Variants in PITPNA observed in about 807,000 individuals in gnomAD.
PITPNA encodes phosphatidylinositol transfer protein alpha, also known as phosphatidylinositol transfer protein alpha isoform.
PITPNA carries 13 observed loss-of-function variants against 50.3 expected under a neutral mutation model. The observed-to-expected ratio is 0.26, with a 90% CI of 0.17 to 0.41. The LOEUF is 0.41. Ranked by LOEUF, PITPNA falls within the 10% of genes least tolerant of loss-of-function variation. The pLI is 1.00. For synonymous variants in PITPNA, 120 were observed against 119.6 expected (o/e 1.00, Z -0.02); for missense variants, 207 against 333.4 (o/e 0.62, Z 2.95).
chr17:1,554,092 G>A (rs978696145), intron 2 of PITPNA, among the ~76,000 whole-genome samples: 2 of 152,194 alleles, frequency 1.3e-5, no homozygotes, highest in African/African-American at 4.8e-5. Context: ...CAATGACCTA[G>A]GCAGTGCCCA....
At position 1,552,883 on chromosome 17, in the gene PITPNA, C is replaced by T. The variant is rs1394750010; in HGVS notation, c.197+121G>A. The T allele has an allele frequency of 4.2e-6, 4 of 959,466 alleles. No individual in the cohort carries two copies. In the African/African-American group the frequency reaches 4.9e-5, roughly 12 times the overall value. The allele number at this position is 959,466 out of a possible 1,614,324, so 59.4% of individuals were successfully genotyped here. A position where few individuals can be genotyped will look rare whatever the true frequency, so the allele number is the denominator to read the frequency against. On this transcript the variant is annotated intron_variant, in intron 3 of 11. Coordinates refer to ENST00000313486, the MANE Select transcript of PITPNA (RefSeq NM_006224.4). The stretch of plus-strand genomic sequence containing the variant: ...TAACATTTATACAGTCAGTATATAA[C>T]TATTAATTGTTAGGATATAACAATT...
Position 1,519,490 on chromosome 17 carries a change from G to A in PITPNA, c.*1071C>T, listed in dbSNP as rs1391154048. 1.3e-5 allele frequency: 2 copies of A among 152,678 alleles called. No homozygotes were observed. Among genetic ancestry groups the A allele is most frequent in the East Asian group, 1.9e-4 (1 of 5,196 alleles). 9.5% of individuals were successfully genotyped at this position (152,678 alleles called of 1,614,324 possible). A position where few individuals can be genotyped will look rare whatever the true frequency, so the allele number is the denominator to read the frequency against. Reference sequence around the variant, plus strand: ...TCAACATGGGGGTAGGACGAGCTAAGTTCTTGATCCCCAAATTCCTTTCCG... The same window carrying A: ...TCAACATGGGGGTAGGACGAGCTAAATTCTTGATCCCCAAATTCCTTTCCG... On this transcript the variant is annotated 3_prime_UTR_variant, in exon 12 of 12. Transcript: ENST00000313486.
intron 2 of PITPNA, among the ~76,000 whole-genome samples, chr17:1,555,971 C>A (rs943676911): frequency 6.6e-6 from 1 of 152,228 alleles, no homozygotes; most frequent in Non-Finnish European, 1.5e-5. Flanking sequence ...GCATGACCTT[C>A]TCTTTCCCTT....
chr17:1,553,721 T>A (rs1243041919), intron 2 of PITPNA, among the ~76,000 whole-genome samples: 1 of 152,212 alleles, frequency 6.6e-6, no homozygotes, highest in African/African-American at 2.4e-5. Context: ...ATCCTAAGAC[T>A]TGATTTCTTG....
At chr17:1,521,852 G>C (rs75951666) in intron 10 of PITPNA, among the ~76,000 whole-genome samples, 1 of 149,550 alleles carries the variant, frequency 6.7e-6, no homozygotes, top group Non-Finnish European at 1.5e-5. Flanking sequence ...TAGTTCTCTC[G>C]TGTCACGGTG....
chr17:1,551,820 C>A (rs1452818427), intron 3 of PITPNA, among the ~76,000 whole-genome samples: 1 of 152,232 alleles, frequency 6.6e-6, no homozygotes, highest in Non-Finnish European at 1.5e-5. Flanking sequence ...CCCCGCTGGA[C>A]AGCACTGCTC....
chr17:1,553,188 C>G, intron 2 of PITPNA, 39 bp from the exon 3 acceptor site: 2 of 1,609,442 alleles, frequency 1.2e-6, no homozygotes, highest in Non-Finnish European at 1.7e-6. Context: ...AACACGGACC[C>G]TTCTCAACGG....
In PITPNA at chr17:1,562,503, C is replaced by T; in HGVS notation, c.20+38G>A. ...TCGCCCCGGCGGCCGTCCCCACCCT[C>T]CCTCCTCCCCGCTTCCGCACGGCCG... On this transcript the variant is annotated intron_variant, in intron 1 of 11. Coordinates refer to ENST00000313486, the MANE Select transcript of PITPNA (RefSeq NM_006224.4). The surrounding 1 kb of genome is among the most constrained non-coding windows in gnomAD (Gnocchi z 6.4). 7.1e-7 allele frequency: 1 copy of T among 1,407,308 alleles called. No homozygotes were observed. The highest frequency in any genetic ancestry group is 9.4e-7 in the Non-Finnish European group (1 of 1,067,706). The allele number at this position is 1,407,308 out of a possible 1,614,324, so 87.2% of individuals were successfully genotyped here. A position where few individuals can be genotyped will look rare whatever the true frequency, so the allele number is the denominator to read the frequency against.
At position 1,535,264 on chromosome 17, in the gene PITPNA, G is replaced by C; in HGVS notation, c.563C>G (p.Pro188Arg). The C allele has an allele frequency of 6.2e-7, 1 of 1,613,510 alleles. No homozygotes were observed. Among genetic ancestry groups the C allele is most frequent in the Non-Finnish European group, 8.5e-7 (1 of 1,179,392 alleles). ...KQELVNQKDC[P>R]YMCAYKLVTV... ...CACCAGTTTGTATGCACACATATAT[G>C]GGCAGTCCTTCTGGTTTACAAGCTC... is the stretch of plus-strand genomic sequence containing the variant. Residue 188 changes from proline (P) to arginine (R), a missense_variant, in exon 9 of 12, where the codon CCA (proline) becomes CGA (arginine). Transcript: ENST00000313486.
At chr17:1,525,798 G>A (rs1314427561) in intron 10 of PITPNA, among the ~76,000 whole-genome samples, 3 of 152,218 alleles carry the variant, frequency 2.0e-5, no homozygotes, top group African/African-American at 4.8e-5. Context: ...GATGACAGGC[G>A]TGAGCCATCA....
At chr17:1,553,251 CCT>C in intron 2 of PITPNA, 102 bp from the exon 3 acceptor site, 1 of 1,303,164 alleles carries the variant, frequency 7.7e-7, no homozygotes, top group Non-Finnish European at 1.1e-6. Context: ...CCTGGGGTCT[CCT>C]CATGCAGGAG....
chr17:1,522,583 G>C (rs2075521837), intron 10 of PITPNA, among the ~76,000 whole-genome samples: 1 of 150,930 alleles, frequency 6.6e-6, no homozygotes, highest in African/African-American at 2.5e-5. Context: ...ATTTTGGCCA[G>C]GCTGATCTTG....
chr17:1,523,438 C>T (rs1482413103), intron 10 of PITPNA, among the ~76,000 whole-genome samples: 3 of 151,634 alleles, frequency 2.0e-5, no homozygotes, highest in Non-Finnish European at 4.4e-5. Flanking sequence ...GACTCCCTGG[C>T]TCAAGTGATC....
chr17:1,544,437 G>A (rs1176636072), intron 4 of PITPNA, among the ~76,000 whole-genome samples: 1 of 152,142 alleles, frequency 6.6e-6, no homozygotes, highest in Non-Finnish European at 1.5e-5. Flanking sequence ...TCATGAGGGT[G>A]ACAGCCCTTG....
chr17:1,539,626 G>A (rs540429727), intron 6 of PITPNA, among the ~76,000 whole-genome samples: 2 of 151,732 alleles, frequency 1.3e-5, no homozygotes, highest in Admixed American at 6.5e-5. Context: ...CTGAGGAGCT[G>A]GGCCCGAGTG....
chr17:1,523,397 C>T, intron 10 of PITPNA, among the ~76,000 whole-genome samples: 1 of 152,080 alleles, frequency 6.6e-6, no homozygotes, highest in East Asian at 1.9e-4. Context: ...GGATGGAGTG[C>T]AGTGGCGCAA....
At position 1,535,169 on chromosome 17, in the gene PITPNA, C is replaced by A. The variant is rs1196620593; in HGVS notation, c.645+13G>T. On this transcript the variant is annotated intron_variant, in intron 9 of 11. Transcript: ENST00000313486. Reference sequence around the variant, plus strand: ...CACGCAGTCACTGGGAAGGCCTCAGCCGAGCTACTTACCTTATGGATGAAG... The same window carrying A: ...CACGCAGTCACTGGGAAGGCCTCAGACGAGCTACTTACCTTATGGATGAAG... 1 of 1,549,498 alleles carries A rather than the reference C, an allele frequency of 6.5e-7. No homozygotes were observed. Among genetic ancestry groups the A allele is most frequent in the Non-Finnish European group, 8.9e-7 (1 of 1,121,622 alleles).
At chr17:1,542,364 C>T (rs1362942065) in intron 5 of PITPNA, among the ~76,000 whole-genome samples, 1 of 152,208 alleles carries the variant, frequency 6.6e-6, no homozygotes, top group Non-Finnish European at 1.5e-5. Flanking sequence ...GCCCCTTTCC[C>T]TCCAACTAGC....
chr17:1,522,904 A>T (rs1006041134), intron 10 of PITPNA, among the ~76,000 whole-genome samples: 1 of 152,166 alleles, frequency 6.6e-6, no homozygotes, highest in Non-Finnish European at 1.5e-5. Context: ...TTGAGATGAA[A>T]CCTGAGAGAA....
Sources: allele counts gnomAD v4.1 joint callset (sites outside exome capture counted in the v4.1 genomes callset), GRCh38; gene constraint gnomAD v4.1.1; non-coding constraint Gnocchi (gnomAD v3.1); transcripts MANE v1.5; gene names NCBI Gene and HGNC (gene_info 2026-07-23, HGNC 2026-07-21).